CCSER1: variants seen among roughly 807,000 people sequenced by gnomAD.
CCSER1 encodes the protein serine-rich coiled-coil domain-containing protein 1.
CCSER1 carries 41 observed loss-of-function variants against 82.0 expected under a neutral mutation model. The observed-to-expected ratio is 0.50, with a 90% CI of 0.39 to 0.65. The LOEUF (loss-of-function observed/expected upper bound fraction) is 0.65. Ranked by LOEUF, CCSER1 falls within the 30% of genes least tolerant of loss-of-function variation. CCSER1 has a pLI of 0.00. For synonymous variants in CCSER1, 414 were observed against 383.9 expected (o/e 1.08, Z -0.92); for missense variants, 1,119 against 1,064.2 (o/e 1.05, Z -0.72).
chr4:90,304,539 A>G (rs1424109834), intron 1 of CCSER1, among the ~76,000 whole-genome samples: 1 of 152,204 alleles, frequency 6.6e-6, no homozygotes, highest in African/African-American at 2.4e-5. Flanking sequence ...TCAGTAAACT[A>G]TCACAAGAAC....
chr4:90,650,777 A>G (rs1472047912), intron 6 of CCSER1, among the ~76,000 whole-genome samples: 1 of 152,208 alleles, frequency 6.6e-6, no homozygotes, highest in Non-Finnish European at 1.5e-5. Flanking sequence ...TGTGTCACTA[A>G]GTCCTTTTCT....
intron 1 of CCSER1, among the ~76,000 whole-genome samples, chr4:90,221,492 G>T (rs2153421411): frequency 6.6e-6 from 1 of 152,228 alleles, no homozygotes; most frequent in African/African-American, 2.4e-5. Context: ...ACAGCATATT[G>T]TATTATAACA....
intron 10 of CCSER1, among the ~76,000 whole-genome samples, chr4:91,269,806 C>G (rs1339137799): frequency 6.6e-6 from 1 of 152,012 alleles, no homozygotes; most frequent in Non-Finnish European, 1.5e-5. Flanking sequence ...AATTAAAACT[C>G]TACTTAAAAA....
chr4:90,683,644 C>A (rs1392099419), intron 6 of CCSER1, among the ~76,000 whole-genome samples: 1 of 151,992 alleles, frequency 6.6e-6, no homozygotes, highest in Non-Finnish European at 1.5e-5. Flanking sequence ...TTTTATTCAA[C>A]AAACATATGT....
At chr4:91,464,530 A>C (rs570129220) in intron 10 of CCSER1, among the ~76,000 whole-genome samples, 1 of 152,350 alleles carries the variant, frequency 6.6e-6, no homozygotes, top group Admixed American at 6.5e-5. Flanking sequence ...AAATGGGCTA[A>C]ATGCTCCAAT....
chr4:90,821,370 T>C (rs1014229536), intron 8 of CCSER1, among the ~76,000 whole-genome samples: 1 of 152,136 alleles, frequency 6.6e-6, no homozygotes, highest in Admixed American at 6.5e-5. Flanking sequence ...ATCATGGTGA[T>C]TGGAGAGAAT....
At chr4:91,033,060 A>AAC (rs1554059194) in intron 9 of CCSER1, among the ~76,000 whole-genome samples, 1 of 43,666 alleles carries the variant, frequency 2.3e-5, no homozygotes, top group African/African-American at 1.0e-4. Context: ...ACAAATAAAC[A>AAC]AAAAAAAAAC....
chr4:90,584,508 C>T (rs1781771606), intron 5 of CCSER1, among the ~76,000 whole-genome samples: 1 of 152,128 alleles, frequency 6.6e-6, no homozygotes, highest in Non-Finnish European at 1.5e-5. Context: ...TGATTTGGGC[C>T]TTGTGATACT....
At chr4:90,730,471 A>C (rs1744497161) in intron 7 of CCSER1, among the ~76,000 whole-genome samples, 1 of 152,224 alleles carries the variant, frequency 6.6e-6, no homozygotes, top group Admixed American at 6.5e-5. Context: ...TGTTCTTAGT[A>C]ATATTCTAAG....
At chr4:91,490,926 AT>A (rs1335089604) in intron 10 of CCSER1, among the ~76,000 whole-genome samples, 27 of 97,362 alleles carry the variant, frequency 2.8e-4, no homozygotes, top group East Asian at 1.4e-3. Context: ...ATATATATAT[AT>A]AAAATATGCG....
chr4:90,721,619 AT>A (rs1313755518), intron 6 of CCSER1, among the ~76,000 whole-genome samples: 1 of 151,820 alleles, frequency 6.6e-6, no homozygotes, highest in African/African-American at 2.4e-5. Context: ...TTTTATTTAG[AT>A]ATTAAATTGT....
chr4:91,155,693 T>C (rs1730744935), intron 10 of CCSER1, among the ~76,000 whole-genome samples: 1 of 151,984 alleles, frequency 6.6e-6, no homozygotes, highest in Non-Finnish European at 1.5e-5. Context: ...ACATGGTTAA[T>C]TATATCTCCC....
At chr4:91,098,185 G>T (rs1241936715) in intron 10 of CCSER1, among the ~76,000 whole-genome samples, 3 of 152,058 alleles carry the variant, frequency 2.0e-5, no homozygotes, top group African/African-American at 4.8e-5. Flanking sequence ...CTAAAGAAAG[G>T]AATTATTTTA....
intron 10 of CCSER1, among the ~76,000 whole-genome samples, chr4:91,090,187 G>A (rs944838185): frequency 2.6e-5 from 4 of 152,004 alleles, no homozygotes; most frequent in African/African-American, 7.3e-5. Context: ...TTCATTTTTC[G>A]CGGGAAGCAT....
intron 4 of CCSER1, among the ~76,000 whole-genome samples, chr4:90,455,188 A>C (rs1220357906): frequency 1.3e-5 from 2 of 152,232 alleles, no homozygotes; most frequent in African/African-American, 4.8e-5. Context: ...TCTCATGTCT[A>C]CAGAAAAGTT....
intron 7 of CCSER1, among the ~76,000 whole-genome samples, chr4:90,746,805 T>C (rs1747556948): frequency 6.6e-6 from 1 of 152,232 alleles, no homozygotes. Context: ...TCATTCTTAA[T>C]ACACCAGACT....
intron 1 of CCSER1, among the ~76,000 whole-genome samples, chr4:90,218,356 A>C (rs1322113066): frequency 6.6e-6 from 1 of 152,156 alleles, no homozygotes; most frequent in African/African-American, 2.4e-5. Flanking sequence ...TTAACTATTG[A>C]GTACTATGTT....
chr4:90,808,338 A>G (rs1757793202), intron 7 of CCSER1, among the ~76,000 whole-genome samples: 1 of 152,094 alleles, frequency 6.6e-6, no homozygotes, highest in Non-Finnish European at 1.5e-5. Context: ...TAGGCAAAGA[A>G]TTTTTGACTA....
intron 7 of CCSER1, among the ~76,000 whole-genome samples, chr4:90,812,243 G>A (rs1758448667): frequency 6.6e-6 from 1 of 152,018 alleles, no homozygotes; most frequent in East Asian, 1.9e-4. Flanking sequence ...ATTAGATTGT[G>A]CCCCCCCAGA....
Sources: gnomAD v4.1 joint callset for allele counts (sites outside exome capture counted in the v4.1 genomes callset) on GRCh38, gnomAD v4.1.1 for gene constraint, MANE v1.5 for transcripts, NCBI Gene and HGNC (gene_info 2026-07-23, HGNC 2026-07-21) for gene names.